SERINC3: variants seen among roughly 807,000 people sequenced by gnomAD.
SERINC3 encodes the protein serine incorporator 3.
Under a neutral mutation model 52.1 loss-of-function variants are expected in SERINC3, and 22 were observed. That is an observed-to-expected ratio of 0.42 (90% CI 0.30 to 0.60). The LOEUF (loss-of-function observed/expected upper bound fraction) is 0.60, where lower values mean the gene tolerates loss of function less well. SERINC3 is among the 20% of genes least tolerant of loss of function. The pLI, the probability that SERINC3 is intolerant of heterozygous loss-of-function variation, is 0.16. For missense variants in SERINC3, 564 were observed against 584.6 expected (o/e 0.96, Z 0.36); for synonymous variants, 226 against 212.7 (o/e 1.06, Z -0.54).
intron 1 of SERINC3, among the ~76,000 whole-genome samples, chr20:44,514,674 T>C (rs2064368954): frequency 6.6e-6 from 1 of 152,100 alleles, no homozygotes; most frequent in East Asian, 1.9e-4. Context: ...GGCAGGAGAA[T>C]GGCATGAACC....
chr20:44,503,659 T>C (rs924885501), intron 8 of SERINC3, among the ~76,000 whole-genome samples, 156 bp downstream of exon 8: 1 of 152,088 alleles, frequency 6.6e-6, no homozygotes, highest in Non-Finnish European at 1.5e-5. Context: ...AAAAAATATA[T>C]ATGTACACAG....
At chr20:44,513,803 G>A (rs1707611764) in intron 2 of SERINC3, 76 bp downstream of exon 2, 16 of 1,286,824 alleles carry the variant, frequency 1.2e-5, no homozygotes, top group South Asian at 1.7e-5. Flanking sequence ...GATTAACAAC[G>A]ACGAAATAAA....
In SERINC3 at chr20:44,501,248, C is replaced by T; in HGVS notation, c.1108G>A (p.Asp370Asn). 1 of 1,614,130 alleles carries T rather than the reference C, an allele frequency of 6.2e-7. No homozygotes were observed. The highest frequency in any genetic ancestry group is 8.5e-7 in the Non-Finnish European group (1 of 1,180,020). The part of the protein sequence containing the change: ...QVDKLTLSGS[D>N]SVILGDTTTS... Reference sequence around the variant, plus strand: ...GTTGTATCACCAAGGATGACGCTGTCACTCCCTGACAGGGTCAGCTTGTCT... The same window carrying T: ...GTTGTATCACCAAGGATGACGCTGTTACTCCCTGACAGGGTCAGCTTGTCT... Residue 370 changes from aspartate to asparagine, a missense_variant, in exon 9 of 10, where the codon GAC becomes AAC. Transcript: ENST00000342374.
chr20:44,519,855 ATATG>A (rs2064404684), intron 1 of SERINC3, among the ~76,000 whole-genome samples: 1 of 152,114 alleles, frequency 6.6e-6, no homozygotes, highest in East Asian at 1.9e-4. Context: ...ACTGTCAAAT[ATATG>A]TATGTTTGGT....
chr20:44,501,968 A>G (rs983735784), intron 8 of SERINC3, among the ~76,000 whole-genome samples: 1 of 152,242 alleles, frequency 6.6e-6, no homozygotes, highest in Non-Finnish European at 1.5e-5. Flanking sequence ...AAAAACAGTC[A>G]AAGTAGAACT....
At chr20:44,510,673 G>C (rs1190375027) in intron 4 of SERINC3, among the ~76,000 whole-genome samples, 1 of 151,982 alleles carries the variant, frequency 6.6e-6, no homozygotes, top group Non-Finnish European at 1.5e-5. Flanking sequence ...TTAGCTGGGC[G>C]TGGTGGTGGG....
chr20:44,512,282 C>T (rs974141995), intron 3 of SERINC3, among the ~76,000 whole-genome samples: 1 of 143,910 alleles, frequency 6.9e-6, no homozygotes, highest in African/African-American at 2.6e-5. Context: ...CATTACACTC[C>T]AGCCTGGGTG....
At chr20:44,501,392 C>G (rs1359855374) in intron 8 of SERINC3, 92 bp from the exon 9 acceptor site, 9 of 1,010,804 alleles carry the variant, frequency 8.9e-6, no homozygotes, top group Non-Finnish European at 1.5e-6. Context: ...TACTGCTGAG[C>G]TGTTCCTACT....
chr20:44,521,674 T>G lies in SERINC3; in HGVS notation c.39+239A>C, dbSNP rs1194927250. On this transcript the variant is annotated intron_variant, in intron 1 of 9. Transcript: ENST00000342374. ...CAGGAAGCCTCGCAGGGCGGAGCCATCCGAATTGTAAACAATGGCGGCCTA... is the reference window on the plus strand; with the variant it reads ...CAGGAAGCCTCGCAGGGCGGAGCCAGCCGAATTGTAAACAATGGCGGCCTA... Among the ~76,000 whole-genome samples, 5 of 152,216 alleles carry G rather than the reference T, an allele frequency of 3.3e-5. No individual in the cohort carries two copies. The East Asian group carries it at 9.6e-4, about 29-fold the overall frequency.
At chr20:44,516,136 T>C (rs1172626183) in intron 1 of SERINC3, among the ~76,000 whole-genome samples, 1 of 151,934 alleles carries the variant, frequency 6.6e-6, no homozygotes, top group Non-Finnish European at 1.5e-5. Flanking sequence ...ACCCCATCTC[T>C]ACTAAAAATA....
intron 5 of SERINC3, among the ~76,000 whole-genome samples, chr20:44,508,098 T>C (rs2064325999): frequency 6.6e-6 from 1 of 152,228 alleles, no homozygotes; most frequent in Non-Finnish European, 1.5e-5. Flanking sequence ...CACCTCTGAA[T>C]ATACAAGATT....
In SERINC3 at chr20:44,512,889, A is replaced by AG. The variant is rs779638961; in HGVS notation, c.306dup (p.Phe103LeufsTer21). 8.3e-6 allele frequency: 13 copies of AG among 1,575,452 alleles called. No homozygotes were observed. Among genetic ancestry groups the AG allele is most frequent in the African/African-American group, 1.4e-5 (1 of 72,192 alleles). ...ACAAAGAAAAAGATGGCCATGGCAA[A>AG]GCTGATCCGATACACAGCTTTATAA... On this transcript the variant is annotated frameshift_variant, in exon 3 of 10. Transcript: ENST00000342374. LOFTEE classifies it high-confidence loss of function.
At position 44,510,120 on chromosome 20, in the gene SERINC3, C is replaced by T. The variant is rs909761615; in HGVS notation, c.476-92G>A. On this transcript the variant is annotated intron_variant, in intron 4 of 9. Transcript: ENST00000342374. ...TGAACGGATTTCAATTAAAACAAGA[C>T]AGAGGTGGTAAAGACATTCTGTCTC... 6.4e-6 allele frequency: 8 copies of T among 1,249,602 alleles called. No homozygotes were observed. In the African/African-American group the frequency reaches 1.0e-4, roughly 16 times the overall value. The allele number at this position is 1,249,602 out of a possible 1,614,324, so 77.4% of individuals were successfully genotyped here. A position where few individuals can be genotyped will look rare whatever the true frequency, so the allele number is the denominator to read the frequency against.
chr20:44,509,243 C>A (rs2064332922), intron 5 of SERINC3, among the ~76,000 whole-genome samples: 3 of 152,252 alleles, frequency 2.0e-5, no homozygotes, highest in Admixed American at 2.0e-4. Context: ...CTGAATAAGG[C>A]CATAAGGACT....
chr20:44,521,784 G>A, intron 1 of SERINC3, 129 bp downstream of exon 1: 1 of 933,814 alleles, frequency 1.1e-6, no homozygotes, highest in East Asian at 2.7e-5. Context: ...TGGGGCCCCG[G>A]AGACCCTCTG....
chr20:44,497,921 A>C lies in SERINC3; in HGVS notation c.*2375T>G, dbSNP rs1275129285. The C allele has an allele frequency of 1.3e-5, 2 of 152,332 alleles. No homozygotes were observed. The highest frequency in any genetic ancestry group is 3.4e-3 in the Middle Eastern group (1 of 294). The allele number at this position is 152,332 out of a possible 1,614,324, so 9.4% of individuals were successfully genotyped here. ...CAGCAGCTACTGTCAGTGCTATGTCAGTGCTAAAAATGGGTTACACTTTGC... is the reference window on the plus strand; with the variant it reads ...CAGCAGCTACTGTCAGTGCTATGTCCGTGCTAAAAATGGGTTACACTTTGC... On this transcript the variant is annotated 3_prime_UTR_variant, in exon 10 of 10. Coordinates refer to ENST00000342374, the MANE Select transcript of SERINC3 (RefSeq NM_006811.4).
chr20:44,520,621 G>A (rs2064410276), intron 1 of SERINC3, among the ~76,000 whole-genome samples: 1 of 152,110 alleles, frequency 6.6e-6, no homozygotes, highest in African/African-American at 2.4e-5. Context: ...AGGACGGTGG[G>A]GGGATAGGGG....
At chr20:44,512,332 A>C (rs2123058124) in intron 3 of SERINC3, among the ~76,000 whole-genome samples, 1 of 152,062 alleles carries the variant, frequency 6.6e-6, no homozygotes, top group African/African-American at 2.4e-5. Flanking sequence ...AAACAAAAAA[A>C]AAAAAAAAAA....
intron 9 of SERINC3, 144 bp from the exon 10 acceptor site, chr20:44,500,578 G>A: frequency 1.2e-6 from 1 of 808,624 alleles, no homozygotes; most frequent in Non-Finnish European, 2.0e-6. Flanking sequence ...GGGGACCAGA[G>A]GAAGCTGCTA....
Sources: gnomAD v4.1 joint callset for allele counts (sites outside exome capture counted in the v4.1 genomes callset) on GRCh38, gnomAD v4.1.1 for gene constraint, MANE v1.5 for transcripts, NCBI Gene and HGNC (gene_info 2026-07-23, HGNC 2026-07-21) for gene names.